The following ZDHHC13 variants were observed in gnomAD, a reference collection of about 807,000 sequenced individuals.
The protein encoded by ZDHHC13 is zDHHC palmitoyltransferase 13, also known as palmitoyltransferase ZDHHC13.
A neutral mutation model predicts 86.0 loss-of-function variants in ZDHHC13; 85 were observed. That is an observed-to-expected ratio of 0.99 (90% confidence interval 0.83 to 1.18). The LOEUF (loss-of-function observed/expected upper bound fraction) is 1.18, where lower values mean the gene tolerates loss of function less well. ZDHHC13 is among the 50% of genes most tolerant of loss of function. ZDHHC13 has a pLI of 0.00. For missense variants in ZDHHC13, 711 were observed against 730.2 expected (o/e 0.97, Z 0.30); for synonymous variants, 263 against 246.4 (o/e 1.07, Z -0.63).
chr11:19,152,202 A>T lies in ZDHHC13; in HGVS notation c.629A>T (p.Asn210Ile), dbSNP rs202012922. ...GFLLKFNPSL[N>I]VVDKIHQNTP... is the part of the protein sequence containing the mutation. ...CTTTTAAAGTTTAATCCTTCTCTCA[A>T]TGTGGTTGATAAAATACACCAAAAC... The change falls in exon 7 of 17, where the codon AAT becomes ATT. Residue 210 changes from asparagine to isoleucine, a missense_variant. Asn to Ile is a moderately radical substitution (Grantham distance 149, BLOSUM62 -3). Coordinates refer to ENST00000446113, the MANE Select transcript of ZDHHC13 (RefSeq NM_019028.3). The T allele has an allele frequency of 1.9e-6, 3 of 1,613,328 alleles. No homozygotes were observed. Among genetic ancestry groups the T allele is most frequent in the Admixed American group, 3.3e-5 (2 of 59,990 alleles).
chr11:19,145,087 C>A (rs145871724), intron 2 of ZDHHC13, among the ~76,000 whole-genome samples: 2 of 150,674 alleles, frequency 1.3e-5, no homozygotes, highest in Admixed American at 1.3e-4. Context: ...CCAGCCTGGG[C>A]GACAAAGCAA....
intron 1 of ZDHHC13, among the ~76,000 whole-genome samples, chr11:19,119,681 G>A (rs1262908311): frequency 6.6e-6 from 1 of 152,110 alleles, no homozygotes; most frequent in Non-Finnish European, 1.5e-5. Context: ...ACCATTTAAC[G>A]TACTTATTGG....
rs559819779 is a variant in ZDHHC13, at chr11:19,163,913, C to T, written c.1234-388C>T. Among the ~76,000 whole-genome samples, 4 of 152,134 alleles carry T rather than the reference C, an allele frequency of 2.6e-5. No homozygotes were observed. The South Asian group carries it at 6.2e-4, about 24-fold the overall frequency. ...GTCTTTGTTACCTAAAGCCAGTGTTCCTGAAAGACCCAGCCCTTGGTGCTT... is the reference window on the plus strand; with the variant it reads ...GTCTTTGTTACCTAAAGCCAGTGTTTCTGAAAGACCCAGCCCTTGGTGCTT... On this transcript the variant is annotated intron_variant, in intron 11 of 16. Transcript: ENST00000446113.
chr11:19,157,152 G>A (rs911447317), intron 9 of ZDHHC13, among the ~76,000 whole-genome samples: 5 of 152,172 alleles, frequency 3.3e-5, no homozygotes, highest in Admixed American at 1.3e-4. Flanking sequence ...TAGTGAGGCC[G>A]TTCCTGACTG....
chr11:19,136,316 G>C (rs1341571724), intron 1 of ZDHHC13, among the ~76,000 whole-genome samples: 1 of 152,102 alleles, frequency 6.6e-6, no homozygotes, highest in Non-Finnish European at 1.5e-5. Flanking sequence ...TGGAAGAAAG[G>C]GTATCAGTGA....
intron 14 of ZDHHC13, chr11:19,168,693 C>A (rs535995167): frequency 6.3e-6 from 3 of 476,114 alleles, no homozygotes; most frequent in East Asian, 1.5e-4. Context: ...TCTAATGAGG[C>A]CTCACTGTCA....
At chr11:19,164,574 TCC>T in intron 12 of ZDHHC13, 1 of 573,914 alleles carries the variant, frequency 1.7e-6, no homozygotes, top group South Asian at 2.2e-5. Flanking sequence ...GTTACATCTC[TCC>T]GTGAATTATC....
At position 19,158,919 on chromosome 11, in the gene ZDHHC13, T is replaced by G. The variant is rs544283734; in HGVS notation, c.1008-21T>G. 4 of 1,457,026 alleles carry G rather than the reference T, an allele frequency of 2.7e-6. No individual in the cohort carries two copies. In the African/African-American group the frequency reaches 5.7e-5, roughly 21 times the overall value. 90.3% of individuals were successfully genotyped at this position (1,457,026 alleles called of 1,614,324 possible). A position where few individuals can be genotyped will look rare whatever the true frequency, so the allele number is the denominator to read the frequency against. ...TAATACAAGTCATACTAATAACTTATATTTATCTTTTTTCTTTTAGGTTCT... is the reference window on the plus strand; with the variant it reads ...TAATACAAGTCATACTAATAACTTAGATTTATCTTTTTTCTTTTAGGTTCT... On this transcript the variant is annotated intron_variant, in intron 9 of 16. Transcript: ENST00000446113.
In ZDHHC13 at chr11:19,166,314, A is replaced by G; in HGVS notation, c.1403A>G (p.His468Arg). 6.2e-7 allele frequency: 1 copy of G among 1,609,852 alleles called. No individual in the cohort carries two copies. Among genetic ancestry groups the G allele is most frequent in the Non-Finnish European group, 8.5e-7 (1 of 1,178,976 alleles). ...CTTTTTTCTTGAGGTTTTGGCAACC[A>G]TCACTATTACATATTCTTCTTGTTT... ...WTGRCIGFGN[H>R]HYYIFFLFFL... Residue 468 changes from histidine (H) to arginine (R), a missense_variant, in exon 14 of 17, where the codon CAT (histidine) becomes CGT (arginine). By Grantham distance (29) the His-to-Arg change is conservative (BLOSUM62 0). Coordinates refer to ENST00000446113, the MANE Select transcript of ZDHHC13 (RefSeq NM_019028.3).
At chr11:19,157,515 G>A (rs1849792120) in intron 9 of ZDHHC13, among the ~76,000 whole-genome samples, 1 of 152,202 alleles carries the variant, frequency 6.6e-6, no homozygotes, top group African/African-American at 2.4e-5. Flanking sequence ...TAAATGTAAT[G>A]TGAAAACTCA....
rs574753754 is a variant in ZDHHC13, at chr11:19,141,707, G to A, written c.28-1271G>A. Reference sequence around the variant, plus strand: ...TTTTTTTTTAACATTAGCGAACCCCGTATTGGTTTTCTGCTAAGGTCTAAG... The same window carrying A: ...TTTTTTTTTAACATTAGCGAACCCCATATTGGTTTTCTGCTAAGGTCTAAG... On this transcript the variant is annotated intron_variant, in intron 1 of 16. Coordinates refer to ENST00000446113, the MANE Select transcript of ZDHHC13 (RefSeq NM_019028.3). 3.6e-5 allele frequency among the ~76,000 whole-genome samples: 5 copies of A among 140,388 alleles called. No individual in the cohort carries two copies. The East Asian group carries it at 6.3e-4, about 18-fold the overall frequency. 92.1% of individuals were successfully genotyped at this position (140,388 alleles called of 152,430 possible).
chr11:19,175,013 G>A (rs1393283668), intron 16 of ZDHHC13, among the ~76,000 whole-genome samples: 2 of 152,144 alleles, frequency 1.3e-5, no homozygotes, highest in Non-Finnish European at 2.9e-5. Context: ...CTATATCAGG[G>A]TTTTTGGAGG....
intron 8 of ZDHHC13, among the ~76,000 whole-genome samples, chr11:19,153,086 T>G (rs1480396661): frequency 6.6e-6 from 1 of 152,190 alleles, no homozygotes; most frequent in East Asian, 1.9e-4. Context: ...ATAATAACAT[T>G]TACAATGTTT....
At chr11:19,142,577 A>T (rs536790477) in intron 1 of ZDHHC13, among the ~76,000 whole-genome samples, 68 of 152,314 alleles carry the variant, frequency 4.5e-4, no homozygotes, top group African/African-American at 1.5e-3. Flanking sequence ...GTCAGTAGCA[A>T]TGGTCCTCTG....
rs184356862 is a variant in ZDHHC13, at chr11:19,131,199, C to T, written c.28-11779C>T. 6.8e-3 allele frequency among the ~76,000 whole-genome samples: 1,041 copies of T among 152,038 alleles called. 9 individuals carry two copies. Among genetic ancestry groups the T allele is most frequent in the African/African-American group, 0.024 (982 of 41,474 alleles). ...ATGCCCGGCTAATTTTTTGTATTTTCAGTAGAGACGGGGTTTCACCATATT... is the reference window on the plus strand; with the variant it reads ...ATGCCCGGCTAATTTTTTGTATTTTTAGTAGAGACGGGGTTTCACCATATT... On this transcript the variant is annotated intron_variant, in intron 1 of 16. Coordinates refer to ENST00000446113, the MANE Select transcript of ZDHHC13 (RefSeq NM_019028.3).
chr11:19,164,474 C>A, intron 12 of ZDHHC13, 111 bp downstream of exon 12: 1 of 1,037,438 alleles, frequency 9.6e-7, no homozygotes, highest in Non-Finnish European at 1.4e-6. Context: ...TTTGTTTTTA[C>A]CCATTTCTAA....
chr11:19,146,275 G>A lies in ZDHHC13; in HGVS notation c.268G>A (p.Ala90Thr), dbSNP rs972335454. ...AAATGTGTCGCTTCTTCATTGGGCT[G>A]CTATTAACAACAGACTGGATCTTGT... ...KENVSLLHWA[A>T]INNRLDLVKF... is the part of the protein sequence containing the mutation. The change falls in exon 3 of 17, where the codon GCT (alanine) becomes ACT (threonine). Residue 90 changes from alanine (A) to threonine (T), a missense_variant. Physicochemically the swap from Ala to Thr is moderately conservative, Grantham distance 58 (BLOSUM62 0). Transcript: ENST00000446113. 1.2e-6 allele frequency: 2 copies of A among 1,613,132 alleles called. No individual in the cohort carries two copies.
At chr11:19,159,406 C>T (rs1336692535) in intron 10 of ZDHHC13, among the ~76,000 whole-genome samples, 7 of 152,012 alleles carry the variant, frequency 4.6e-5, no homozygotes, top group Non-Finnish European at 8.8e-5. Context: ...AGTACTAAGA[C>T]GGACTGCATG....
In ZDHHC13 at chr11:19,149,172, G is replaced by T. The variant is rs1304502087; in HGVS notation, c.375-15G>T. ...TCTGCATGCTACAGAATGGCTTTTT[G>T]TCTTCTATTTGCAGACAAGGACATT... On this transcript the variant is annotated splice_polypyrimidine_tract_variant and intron_variant, in intron 4 of 16. Coordinates refer to ENST00000446113, the MANE Select transcript of ZDHHC13 (RefSeq NM_019028.3). The T allele has an allele frequency of 6.6e-7, 1 of 1,518,908 alleles. No homozygotes were observed. The highest frequency in any genetic ancestry group is 1.4e-5 in the African/African-American group (1 of 72,476). The allele number at this position is 1,518,908 out of a possible 1,614,324, so 94.1% of individuals were successfully genotyped here.
Sources: allele counts gnomAD v4.1 joint callset (sites outside exome capture counted in the v4.1 genomes callset), GRCh38; gene constraint gnomAD v4.1.1; transcripts MANE v1.5; gene names NCBI Gene and HGNC (gene_info 2026-07-23, HGNC 2026-07-21).